LMNTD1: variants seen among roughly 807,000 people sequenced by gnomAD.
LMNTD1 encodes the protein lamin tail domain-containing protein 1.
LMNTD1 carries 35 observed loss-of-function variants against 50.9 expected under a neutral mutation model. The ratio of observed to expected loss-of-function variants is 0.69; its 90% CI spans 0.53 to 0.91. The LOEUF (loss-of-function observed/expected upper bound fraction) is 0.91, where lower values mean the gene tolerates loss of function less well. LMNTD1 is among the 40% of genes least tolerant of loss of function. The pLI is 0.00. For missense variants in LMNTD1, 470 were observed against 475.5 expected, an observed-to-expected ratio of 0.99 and a Z score of 0.11; for synonymous variants, 153 against 161.9, an observed-to-expected ratio of 0.94 and a Z score of 0.42.
chr12:25,542,502 A>G (rs1943154895), intron 4 of LMNTD1, among the ~76,000 whole-genome samples: 2 of 147,266 alleles, frequency 1.4e-5, no homozygotes, highest in African/African-American at 2.5e-5. Context: ...ATTCTCACTC[A>G]TAGGTGGGAA....
intron 1 of LMNTD1, among the ~76,000 whole-genome samples, chr12:25,629,771 A>G (rs1288937568): frequency 6.6e-6 from 1 of 152,186 alleles, no homozygotes; most frequent in Non-Finnish European, 1.5e-5. Context: ...ATAGCAGTAA[A>G]CAAAATGGCA....
intron 9 of LMNTD1, among the ~76,000 whole-genome samples, chr12:25,483,259 TA>T (rs1300713617): frequency 6.6e-6 from 1 of 151,364 alleles, no homozygotes; most frequent in East Asian, 1.9e-4. Context: ...ACCCTGTCTC[TA>T]AAAAAATACA....
intron 1 of LMNTD1, among the ~76,000 whole-genome samples, chr12:25,623,383 C>T (rs771540147): frequency 6.6e-6 from 1 of 151,306 alleles, no homozygotes; most frequent in East Asian, 1.9e-4. Flanking sequence ...AACCCCATCA[C>T]TACTAAAAAA....
intron 1 of LMNTD1, among the ~76,000 whole-genome samples, chr12:25,565,415 T>A (rs1339382646): frequency 6.6e-6 from 1 of 152,184 alleles, no homozygotes; most frequent in Non-Finnish European, 1.5e-5. Flanking sequence ...TATTTTAAGA[T>A]GATAACAACT....
chr12:25,596,445 C>T (rs548489512), intron 1 of LMNTD1, among the ~76,000 whole-genome samples: 78 of 152,134 alleles, frequency 5.1e-4, no homozygotes, highest in African/African-American at 1.6e-3. Flanking sequence ...AAATATGATA[C>T]ACCACATAAA....
chr12:25,634,313 G>C (rs144298261), intron 1 of LMNTD1, among the ~76,000 whole-genome samples: 1,790 of 152,218 alleles, frequency 0.012, 43 homozygotes, highest in African/African-American at 0.041. Context: ...GAGAAAGAAA[G>C]AACCCTCCCT....
chr12:25,555,855 T>A (rs1484270332), upstream of LMNTD1, among the ~76,000 whole-genome samples: 1 of 151,818 alleles, frequency 6.6e-6, no homozygotes, highest in Non-Finnish European at 1.5e-5. Flanking sequence ...CAGTTTGGGA[T>A]GCACAGACTC....
chr12:25,542,073 C>T, intron 4 of LMNTD1, among the ~76,000 whole-genome samples: 1 of 150,496 alleles, frequency 6.6e-6, no homozygotes, highest in Admixed American at 6.6e-5. Context: ...CAGGAAACAA[C>T]AGGTGCTGGA....
intron 1 of LMNTD1, among the ~76,000 whole-genome samples, chr12:25,597,135 A>T (rs1444143900): frequency 6.6e-6 from 1 of 151,984 alleles, no homozygotes; most frequent in Non-Finnish European, 1.5e-5. Context: ...AGGAAGACAG[A>T]AAAGAACAAA....
chr12:25,478,877 A>ATTTT (rs35152375), intron 9 of LMNTD1, among the ~76,000 whole-genome samples: 1 of 147,452 alleles, frequency 6.8e-6, no homozygotes. Flanking sequence ...GCAGGTCATG[A>ATTTT]TTTTTTTTTT....
intron 1 of LMNTD1, among the ~76,000 whole-genome samples, chr12:25,639,980 C>T (rs1946916907): frequency 6.6e-6 from 1 of 152,132 alleles, no homozygotes; most frequent in Non-Finnish European, 1.5e-5. Flanking sequence ...AAGAAATGAA[C>T]TACTGATACA....
At chr12:25,505,207 C>T (rs1939659262) in intron 8 of LMNTD1, among the ~76,000 whole-genome samples, 1 of 151,876 alleles carries the variant, frequency 6.6e-6, no homozygotes, top group Non-Finnish European at 1.5e-5. Context: ...TTTTTTGAGC[C>T]TCAAGCATTT....
At chr12:25,647,217 TG>T (rs1947091955) in intron 1 of LMNTD1, among the ~76,000 whole-genome samples, 1 of 152,210 alleles carries the variant, frequency 6.6e-6, no homozygotes, top group African/African-American at 2.4e-5. Context: ...ACAATCTGGC[TG>T]GGTGCAGTGG....
intron 6 of LMNTD1, among the ~76,000 whole-genome samples, chr12:25,525,655 T>C (rs1941652427): frequency 6.6e-6 from 1 of 152,162 alleles, no homozygotes. Context: ...CCTGATGTGT[T>C]GTGGCATTTA....
At chr12:25,563,653 C>A (rs1944429529) in intron 1 of LMNTD1, among the ~76,000 whole-genome samples, 1 of 152,186 alleles carries the variant, frequency 6.6e-6, no homozygotes, top group African/African-American at 2.4e-5. Context: ...GCTGGGAGAA[C>A]CACTACTCTC....
intron 6 of LMNTD1, among the ~76,000 whole-genome samples, chr12:25,520,509 C>T (rs1591889250): frequency 6.6e-6 from 1 of 152,266 alleles, no homozygotes; most frequent in East Asian, 1.9e-4. Flanking sequence ...TTATTTCACT[C>T]AGCATAATGT....
chr12:25,586,625 C>T (rs1188278600), intron 1 of LMNTD1, among the ~76,000 whole-genome samples: 1 of 152,162 alleles, frequency 6.6e-6, no homozygotes, highest in Admixed American at 6.5e-5. Flanking sequence ...TTGGCAGGCA[C>T]AGTTTGCCCT....
chr12:25,512,331 A>G (rs1431967933), intron 8 of LMNTD1, among the ~76,000 whole-genome samples: 1 of 152,200 alleles, frequency 6.6e-6, no homozygotes, highest in East Asian at 1.9e-4. Context: ...AAATATCCCT[A>G]GTTCATGGAT....
At chr12:25,551,014 G>A (rs1013446639) in intron 2 of LMNTD1, among the ~76,000 whole-genome samples, 3 of 152,192 alleles carry the variant, frequency 2.0e-5, no homozygotes, top group Admixed American at 2.0e-4. Context: ...GAGTATGACC[G>A]TAGAGGTAGT....
Sources: gnomAD v4.1 joint callset for allele counts (sites outside exome capture counted in the v4.1 genomes callset) on GRCh38, gnomAD v4.1.1 for gene constraint, MANE v1.5 for transcripts, NCBI Gene and HGNC (gene_info 2026-07-23, HGNC 2026-07-21) for gene names.